Variants in MAGI2 observed in about 807,000 individuals in gnomAD.
The protein encoded by MAGI2 is membrane-associated guanylate kinase, WW and PDZ domain-containing protein 2.
Under a neutral mutation model 133.3 loss-of-function variants are expected in MAGI2, and 35 were observed. The observed-to-expected ratio is 0.26, with a 90% CI of 0.20 to 0.35. The LOEUF (loss-of-function observed/expected upper bound fraction) is 0.35. Among genes scored for constraint, MAGI2 ranks in the 10% least tolerant of loss-of-function variants. MAGI2 has a pLI of 1.00. For synonymous variants in MAGI2, 729 were observed against 710.6 expected, an observed-to-expected ratio of 1.03 and a Z score of -0.41; for missense variants, 1,636 against 1,863.4, an observed-to-expected ratio of 0.88 and a Z score of 2.25.
intron 9 of MAGI2, among the ~76,000 whole-genome samples, chr7:78,308,091 T>C (rs1001862338): frequency 5.3e-5 from 8 of 152,254 alleles, no homozygotes; most frequent in African/African-American, 1.7e-4. Context: ...AATGAATTTC[T>C]AATACTCAGC....
At chr7:78,694,097 C>G (rs914502197) in intron 2 of MAGI2, among the ~76,000 whole-genome samples, 19 of 152,122 alleles carry the variant, frequency 1.2e-4, no homozygotes, top group African/African-American at 4.6e-4. Flanking sequence ...GCATGGGAAA[C>G]TGGGAGCCTC....
At chr7:78,529,921 T>TA (rs999714727) in intron 3 of MAGI2, among the ~76,000 whole-genome samples, 2 of 151,862 alleles carry the variant, frequency 1.3e-5, no homozygotes, top group African/African-American at 4.8e-5. Context: ...TAATAATTAA[T>TA]AAAAAAGTTA....
chr7:79,071,497 C>G (rs1366458607), intron 1 of MAGI2, among the ~76,000 whole-genome samples: 1 of 152,216 alleles, frequency 6.6e-6, no homozygotes, highest in Non-Finnish European at 1.5e-5. Flanking sequence ...ATCTGCTACT[C>G]TCTTCAGAGC....
intron 10 of MAGI2, among the ~76,000 whole-genome samples, chr7:78,203,652 T>C (rs1166499095): frequency 6.6e-6 from 1 of 152,194 alleles, no homozygotes. Context: ...TCTGAATTAT[T>C]GTTAAAAAGA....
At chr7:79,245,461 G>C (rs1609277) in intron 1 of MAGI2, among the ~76,000 whole-genome samples, 3,261 of 152,200 alleles carry the variant, frequency 0.021, 133 homozygotes, top group African/African-American at 0.074. Flanking sequence ...AAGGGCCCTT[G>C]GTCCTTGAAT....
intron 6 of MAGI2, among the ~76,000 whole-genome samples, chr7:78,369,973 C>A (rs2151263616): frequency 6.6e-6 from 1 of 152,020 alleles, no homozygotes; most frequent in South Asian, 2.1e-4. Context: ...TTAACTCCTA[C>A]AAATATGAAG....
At chr7:78,263,435 G>C (rs912168441) in intron 9 of MAGI2, among the ~76,000 whole-genome samples, 7 of 152,088 alleles carry the variant, frequency 4.6e-5, no homozygotes, top group African/African-American at 7.2e-5. Flanking sequence ...ATGAACTTCT[G>C]CAATAGTCTC....
rs1182194516 is a variant in MAGI2 at position 78,842,086 on chromosome 7, C to T, written c.418+165004G>A. Among the ~76,000 whole-genome samples, 5 of 152,076 alleles carry T rather than the reference C, an allele frequency of 3.3e-5. No individual in the cohort carries two copies. The East Asian group carries it at 5.8e-4, about 18-fold the overall frequency. ...AGGCATTCAACCAGTAATAATAATGCCATTGTTCTTCTGGGTAGCAGGTAA... is the reference window on the plus strand; with the variant it reads ...AGGCATTCAACCAGTAATAATAATGTCATTGTTCTTCTGGGTAGCAGGTAA... On this transcript the variant is annotated intron_variant, in intron 2 of 21. Coordinates refer to ENST00000354212, the MANE Select transcript of MAGI2 (RefSeq NM_012301.4).
intron 20 of MAGI2, among the ~76,000 whole-genome samples, chr7:78,106,757 T>G (rs1818731864): frequency 6.6e-6 from 1 of 152,320 alleles, no homozygotes; most frequent in East Asian, 1.9e-4. Flanking sequence ...TTCTGGTTAT[T>G]AATCCCTTGT....
chr7:78,267,223 A>G (rs539937922), intron 9 of MAGI2, among the ~76,000 whole-genome samples: 13 of 152,288 alleles, frequency 8.5e-5, no homozygotes, highest in South Asian at 6.2e-4. Flanking sequence ...CCTTGCTGAA[A>G]TGAGGGCTGC....
chr7:78,883,495 T>A (rs1796037870), intron 2 of MAGI2, among the ~76,000 whole-genome samples: 1 of 152,136 alleles, frequency 6.6e-6, no homozygotes, highest in Non-Finnish European at 1.5e-5. Flanking sequence ...CCAATGCCAT[T>A]TTTTACAAAA....
chr7:79,446,202 A>T (rs1312236866), intron 1 of MAGI2, among the ~76,000 whole-genome samples: 2 of 152,176 alleles, frequency 1.3e-5, no homozygotes, highest in African/African-American at 4.8e-5. Flanking sequence ...GCATTAGCAG[A>T]TATACCTAAT....
intron 1 of MAGI2, among the ~76,000 whole-genome samples, chr7:79,253,432 C>T (rs1563049014): frequency 6.6e-6 from 1 of 152,084 alleles, no homozygotes; most frequent in Non-Finnish European, 1.5e-5. Flanking sequence ...CACTTGAGCT[C>T]AGGAGTTTGA....
chr7:78,791,830 A>G (rs1401270604), intron 2 of MAGI2, among the ~76,000 whole-genome samples: 1 of 152,178 alleles, frequency 6.6e-6, no homozygotes, highest in Non-Finnish European at 1.5e-5. Flanking sequence ...GATTACAGAC[A>G]TGAGCCATTG....
At chr7:78,498,670 T>A (rs983619188) in intron 5 of MAGI2, among the ~76,000 whole-genome samples, 1 of 152,164 alleles carries the variant, frequency 6.6e-6, no homozygotes, top group African/African-American at 2.4e-5. Context: ...CTGCCCGCTC[T>A]GTGATACCTG....
intron 1 of MAGI2, among the ~76,000 whole-genome samples, chr7:79,271,291 T>C (rs1337526523): frequency 2.6e-5 from 4 of 152,164 alleles, no homozygotes; most frequent in Non-Finnish European, 5.9e-5. Flanking sequence ...CCTCATGGAC[T>C]GTCAGCTTCC....
At chr7:78,633,447 T>C (rs1809257621) in intron 2 of MAGI2, among the ~76,000 whole-genome samples, 1 of 152,094 alleles carries the variant, frequency 6.6e-6, no homozygotes, top group Non-Finnish European at 1.5e-5. Flanking sequence ...GGTTCATGCC[T>C]GTAATCCCAG....
intron 1 of MAGI2, among the ~76,000 whole-genome samples, chr7:79,433,843 A>T (rs772094950): frequency 6.6e-6 from 1 of 152,182 alleles, no homozygotes; most frequent in Non-Finnish European, 1.5e-5. Context: ...AACCAAACAC[A>T]TCAAAATATC....
At chr7:78,784,222 T>C (rs1452390316) in intron 2 of MAGI2, among the ~76,000 whole-genome samples, 1 of 150,992 alleles carries the variant, frequency 6.6e-6, no homozygotes, top group African/African-American at 2.4e-5. Context: ...TTTTTCTTAC[T>C]AATGTTGGGG....
Sources: gnomAD v4.1 joint callset for allele counts (sites outside exome capture counted in the v4.1 genomes callset) on GRCh38, gnomAD v4.1.1 for gene constraint, MANE v1.5 for transcripts, NCBI Gene and HGNC (gene_info 2026-07-23, HGNC 2026-07-21) for gene names.